Variants in HSF5 observed in about 807,000 individuals in gnomAD.
HSF5 encodes the protein heat shock factor protein 5.
Under a neutral mutation model 50.8 loss-of-function variants are expected in HSF5, and 5 were observed. The observed-to-expected ratio is 0.10, with a 90% CI of 0.05 to 0.21. The LOEUF is 0.21. Among genes scored for constraint, HSF5 ranks in the 10% least tolerant of loss-of-function variants. HSF5 has a pLI of 1.00. For missense variants in HSF5, 564 were observed against 762.6 expected, an observed-to-expected ratio of 0.74 and a Z score of 3.07; for synonymous variants, 307 against 307.4, an observed-to-expected ratio of 1.00 and a Z score of 0.02.
intron 5 of HSF5, among the ~76,000 whole-genome samples, chr17:58,450,296 G>A (rs1974618824): frequency 3.1e-5 from 4 of 129,202 alleles, no homozygotes; most frequent in Non-Finnish European, 4.6e-5. Flanking sequence ...CCAAGATCGC[G>A]CCATTGCACT....
In HSF5 at chr17:58,488,287, C is replaced by T. The variant is rs768097212; in HGVS notation, c.-13G>A. Reference sequence around the variant, plus strand: ...GCAGCGCCTCCATCGCCCCGCCGGGCCGGGGCCTCGCCCCCCGAGCCTAGC... The same window carrying T: ...GCAGCGCCTCCATCGCCCCGCCGGGTCGGGGCCTCGCCCCCCGAGCCTAGC... On this transcript the variant is annotated 5_prime_UTR_variant, in exon 1 of 6. Transcript: ENST00000323777. The surrounding 1 kb of genome is among the most constrained non-coding windows in gnomAD (Gnocchi z 4.1). 1.4e-6 allele frequency: 2 copies of T among 1,460,802 alleles called. No homozygotes were observed. Among genetic ancestry groups the T allele is most frequent in the Non-Finnish European group, 1.8e-6 (2 of 1,119,672 alleles). 90.5% of individuals were successfully genotyped at this position (1,460,802 alleles called of 1,614,324 possible).
chr17:58,460,745 A>G (rs1974784593), intron 4 of HSF5, among the ~76,000 whole-genome samples: 2 of 151,518 alleles, frequency 1.3e-5, no homozygotes, highest in South Asian at 4.2e-4. Flanking sequence ...TCCTGACCTC[A>G]TGATCTGTCC....
Position 58,463,074 on chromosome 17 carries a change from T to C in HSF5, c.1250A>G (p.Asn417Ser), listed in dbSNP as rs760229933. 3 of 1,614,204 alleles carry C rather than the reference T, an allele frequency of 1.9e-6. No homozygotes were observed. The highest frequency in any genetic ancestry group is 2.5e-6 in the Non-Finnish European group (3 of 1,180,038). Residue 417 changes from asparagine to serine, a missense_variant, in exon 4 of 6, where the codon AAC (asparagine) becomes AGC (serine). Physicochemically the swap from Asn to Ser is conservative, Grantham distance 46. This residue lies in a region of HSF5 where 441 missense variants were observed against 533.6 expected (regional missense o/e 0.83). Transcript: ENST00000323777. ...RGQHILANSNNSNPCSASQAS... is the reference protein window; with the variant it reads ...RGQHILANSNSSNPCSASQAS... ...CTGACTTGCAGAACATGGATTGCTGTTGTTAGAATTAGCTAAAATGTGTTG... is the reference window on the plus strand; with the variant it reads ...CTGACTTGCAGAACATGGATTGCTGCTGTTAGAATTAGCTAAAATGTGTTG...
intron 2 of HSF5, among the ~76,000 whole-genome samples, chr17:58,470,705 A>C (rs914703225): frequency 1.3e-5 from 2 of 152,220 alleles, no homozygotes; most frequent in Non-Finnish European, 2.9e-5. Context: ...AGGCAGGCGG[A>C]TCACGAGGTC....
At chr17:58,482,982 T>C (rs1975120845) in intron 1 of HSF5, among the ~76,000 whole-genome samples, 1 of 151,596 alleles carries the variant, frequency 6.6e-6, no homozygotes, top group Admixed American at 6.6e-5. Flanking sequence ...TTTACGCTGC[T>C]TGACTAGCAA....
intron 5 of HSF5, among the ~76,000 whole-genome samples, chr17:58,425,575 CAAAAAAA>C (rs66502039): frequency 2.7e-4 from 9 of 32,990 alleles, no homozygotes; most frequent in Non-Finnish European, 3.4e-4. Flanking sequence ...ACCTCTATCT[CAAAAAAA>C]AAAAAAAAAA....
chr17:58,433,815 T>C (rs748993705), intron 5 of HSF5, among the ~76,000 whole-genome samples: 3 of 151,374 alleles, frequency 2.0e-5, no homozygotes, highest in Non-Finnish European at 4.4e-5. Flanking sequence ...CTTGGAGTAG[T>C]TGAAGTAAGG....
At chr17:58,469,053 T>TA in intron 2 of HSF5, among the ~76,000 whole-genome samples, 1 of 133,502 alleles carries the variant, frequency 7.5e-6, no homozygotes. Flanking sequence ...TCCAAATAGC[T>TA]AAACACCAAG....
At chr17:58,439,991 T>A (rs958041253) in intron 5 of HSF5, among the ~76,000 whole-genome samples, 4 of 152,156 alleles carry the variant, frequency 2.6e-5, no homozygotes, top group Admixed American at 1.3e-4. Flanking sequence ...TTTTTTTTTT[T>A]AATGATATGA....
intron 5 of HSF5, among the ~76,000 whole-genome samples, chr17:58,451,935 TTTAG>T (rs377498467): frequency 5.2e-5 from 7 of 134,406 alleles, no homozygotes; most frequent in African/African-American, 2.0e-4. Flanking sequence ...TAAACAAGCC[TTTAG>T]TTAGACTTTA....
intron 2 of HSF5, among the ~76,000 whole-genome samples, chr17:58,472,167 A>G (rs541571695): frequency 6.6e-6 from 1 of 152,232 alleles, no homozygotes; most frequent in South Asian, 2.1e-4. Context: ...TTCTAGGACC[A>G]TTTAAAAAAA....
chr17:58,483,835 G>A (rs1975131683), intron 1 of HSF5, among the ~76,000 whole-genome samples: 1 of 152,090 alleles, frequency 6.6e-6, no homozygotes, highest in African/African-American at 2.4e-5. Flanking sequence ...AAAGAACTAG[G>A]TCCTAAAACA....
chr17:58,471,605 T>C (rs1974943854), intron 2 of HSF5, among the ~76,000 whole-genome samples: 1 of 126,708 alleles, frequency 7.9e-6, no homozygotes, highest in African/African-American at 3.1e-5. Context: ...CTTTTTCTTT[T>C]TCTTTCCTTT....
intron 2 of HSF5, chr17:58,476,415 G>A: frequency 3.9e-6 from 4 of 1,031,476 alleles, no homozygotes; most frequent in Non-Finnish European, 6.1e-6. Context: ...GCCTCTTCCT[G>A]CCGGCTTTAT....
At chr17:58,483,030 C>A (rs892348300) in intron 1 of HSF5, among the ~76,000 whole-genome samples, 4 of 152,028 alleles carry the variant, frequency 2.6e-5, no homozygotes, top group Admixed American at 2.0e-4. Context: ...ACCACTGACA[C>A]CCCCTCCTTT....
chr17:58,471,106 G>A lies in HSF5; in HGVS notation c.926-4127C>T, dbSNP rs74256771. On this transcript the variant is annotated intron_variant, in intron 2 of 5. Transcript: ENST00000323777. ...TAGTGGTTAGCAGGTACAGAGTTTC[G>A]GTTGGGGAAGATGAAAAAGTTCTGG... Among the ~76,000 whole-genome samples the A allele has an allele frequency of 4.5e-4, 69 of 152,204 alleles. No individual in the cohort carries two copies. In the East Asian group the frequency reaches 0.01, roughly 23 times the overall value.
chr17:58,482,643 G>A (rs1598204082), intron 1 of HSF5, among the ~76,000 whole-genome samples: 1 of 145,394 alleles, frequency 6.9e-6, no homozygotes, highest in East Asian at 2.0e-4. Context: ...CTGGGAGGTG[G>A]AGGTTGCAGT....
chr17:58,473,129 T>C (rs1311613284), intron 2 of HSF5, among the ~76,000 whole-genome samples: 2 of 152,158 alleles, frequency 1.3e-5, no homozygotes, highest in African/African-American at 4.8e-5. Flanking sequence ...GCCCACAGCT[T>C]CCTAGCTGTG....
chr17:58,479,730 T>C (rs1164051559), intron 2 of HSF5, among the ~76,000 whole-genome samples, 163 bp downstream of exon 2: 2 of 152,230 alleles, frequency 1.3e-5, no homozygotes, highest in Non-Finnish European at 2.9e-5. Flanking sequence ...ATTTTGTATA[T>C]TGTTTAAAAA....
Sources: allele counts gnomAD v4.1 joint callset (sites outside exome capture counted in the v4.1 genomes callset), GRCh38; gene constraint gnomAD v4.1.1; regional missense constraint gnomAD v4.1.1; non-coding constraint Gnocchi (gnomAD v3.1); transcripts MANE v1.5; gene names NCBI Gene and HGNC (gene_info 2026-07-23, HGNC 2026-07-21).